PSMD4: variants seen among roughly 807,000 people sequenced by gnomAD.
The protein encoded by PSMD4 is proteasome 26S subunit ubiquitin receptor, non-ATPase 4.
In PSMD4, 5 loss-of-function variants were observed where a neutral mutation model predicts 39.7. That is an observed-to-expected ratio of 0.13 (90% CI 0.07 to 0.26). The LOEUF (loss-of-function observed/expected upper bound fraction) is 0.26, where lower values mean the gene tolerates loss of function less well. PSMD4 is among the 10% of genes least tolerant of loss of function. The pLI, the probability that PSMD4 is intolerant of heterozygous loss-of-function variation, is 1.00. For synonymous variants in PSMD4, 143 were observed against 174.6 expected, an observed-to-expected ratio of 0.82 and a Z score of 1.43; for missense variants, 272 against 486.1, an observed-to-expected ratio of 0.56 and a Z score of 4.14.
intron 1 of PSMD4, among the ~76,000 whole-genome samples, chr1:151,256,239 G>C (rs12131761): frequency 6.6e-6 from 1 of 150,972 alleles, no homozygotes; most frequent in Non-Finnish European, 1.5e-5. Context: ...AGCTACTCCA[G>C]AGGCTGAGGT....
At chr1:151,263,320 C>T (rs1339069691) in intron 2 of PSMD4, among the ~76,000 whole-genome samples, 8 of 151,878 alleles carry the variant, frequency 5.3e-5, no homozygotes, top group East Asian at 3.9e-4. Flanking sequence ...AAAAATTAGC[C>T]GGGCGTGGTG....
intron 1 of PSMD4, among the ~76,000 whole-genome samples, chr1:151,261,522 G>T (rs756583433): frequency 5.3e-5 from 8 of 152,096 alleles, no homozygotes; most frequent in Non-Finnish European, 1.2e-4. Context: ...TTGGATTACT[G>T]CCATTTAATG....
intron 1 of PSMD4, among the ~76,000 whole-genome samples, chr1:151,255,507 T>C (rs1418894788): frequency 2.0e-5 from 3 of 152,220 alleles, no homozygotes; most frequent in African/African-American, 7.2e-5. Context: ...GAGTACCTAT[T>C]ACGAGTCACA....
intron 1 of PSMD4, among the ~76,000 whole-genome samples, chr1:151,255,019 G>T (rs1344497736): frequency 6.6e-6 from 1 of 152,220 alleles, no homozygotes; most frequent in Non-Finnish European, 1.5e-5. Context: ...CCAGGGGGAC[G>T]GTCATTGACT....
At chr1:151,261,330 CA>C (rs1693315057) in intron 1 of PSMD4, among the ~76,000 whole-genome samples, 1 of 151,796 alleles carries the variant, frequency 6.6e-6, no homozygotes, top group Non-Finnish European at 1.5e-5. Context: ...CATGTGCCAC[CA>C]CGCCCAGCTA....
rs1693411203 is a variant in PSMD4, at chr1:151,265,502, C to T, written c.547C>T (p.Leu183Phe). Residue 183 changes from leucine to phenylalanine, a missense_variant, in exon 6 of 10, where the codon CTC becomes TTC. Leu to Phe is a conservative substitution (Grantham distance 22, BLOSUM62 0). Coordinates refer to ENST00000368884, the MANE Select transcript of PSMD4 (RefSeq NM_002810.4). ...TCCTGGGCCCAGTTTGGCTGATGCTCTCATCAGTTCTCCGATTTTGGCTGG... is the reference window on the plus strand; with the variant it reads ...TCCTGGGCCCAGTTTGGCTGATGCTTTCATCAGTTCTCCGATTTTGGCTGG... ...VPPGPSLADALISSPILAGEG... is the reference protein window; with the variant it reads ...VPPGPSLADAFISSPILAGEG... 1 of 1,614,198 alleles carries T rather than the reference C, an allele frequency of 6.2e-7. No individual in the cohort carries two copies. The highest frequency in any genetic ancestry group is 8.5e-7 in the Non-Finnish European group (1 of 1,180,028).
Position 151,266,556 on chromosome 1 carries a change from G to C in PSMD4, c.932G>C (p.Ser311Thr). Reference protein sequence around the residue: ...GQAESADIDASSAMDTSEPAK... With the variant: ...GQAESADIDATSAMDTSEPAK... ...GCGGAATCAGCAGACATTGATGCCA[G>C]CTCAGCTATGGACACATCTGAGCCA... The change falls in exon 9 of 10, where the codon AGC (serine) becomes ACC (threonine). Residue 311 changes from serine to threonine, a missense_variant. Around this residue, in one of 3 missense-constraint regions of PSMD4, gnomAD observed 113 missense variants for 184.6 expected, o/e 0.61. Transcript: ENST00000368884. The C allele has an allele frequency of 1.9e-6, 3 of 1,614,198 alleles. No individual in the cohort carries two copies. The highest frequency in any genetic ancestry group is 2.7e-5 in the African/African-American group (2 of 75,050).
At chr1:151,265,314 C>G in intron 5 of PSMD4, 80 bp downstream of exon 5, 5 of 1,592,728 alleles carry the variant, frequency 3.1e-6, no homozygotes, top group Non-Finnish European at 4.3e-6. Context: ...AGTGCGGGTA[C>G]TGTGGCAGAG....
At chr1:151,255,109 T>C (rs1693132811) in intron 1 of PSMD4, among the ~76,000 whole-genome samples, 1 of 152,228 alleles carries the variant, frequency 6.6e-6, no homozygotes, top group South Asian at 2.1e-4. Context: ...ACAGTTCTGC[T>C]TTTCGGACTC....
intron 1 of PSMD4, among the ~76,000 whole-genome samples, chr1:151,256,853 G>A (rs934607807): frequency 1.3e-5 from 2 of 151,400 alleles, no homozygotes; most frequent in Non-Finnish European, 2.9e-5. Context: ...GTGTTCAAGC[G>A]ATTCTCCTGC....
chr1:151,257,715 C>CTT (rs71090149), intron 1 of PSMD4, among the ~76,000 whole-genome samples: 43,087 of 88,930 alleles, frequency 0.48, 9,969 homozygotes, highest in Non-Finnish European at 0.56. Flanking sequence ...ACCTGGCTTT[C>CTT]TTTTTTTTTT....
Position 151,267,456 on chromosome 1 carries a change from C to A in PSMD4, c.*113C>A. The A allele has an allele frequency of 8.1e-7, 1 of 1,230,394 alleles. No individual in the cohort carries two copies. The highest frequency in any genetic ancestry group is 2.0e-4 in the Middle Eastern group (1 of 5,078). 76.2% of individuals were successfully genotyped at this position (1,230,394 alleles called of 1,614,324 possible). On this transcript the variant is annotated 3_prime_UTR_variant, in exon 10 of 10. Coordinates refer to ENST00000368884, the MANE Select transcript of PSMD4 (RefSeq NM_002810.4). ...TTACAGCCTAAATAAAGCTTGGCAA[C>A]TTTTTTTCCTTTTTTGCTTCAAATA... is the stretch of plus-strand genomic sequence containing the variant.
chr1:151,265,308 C>A, intron 5 of PSMD4, 74 bp downstream of exon 5: 1 of 1,585,736 alleles, frequency 6.3e-7, no homozygotes, highest in Admixed American at 1.7e-5. Context: ...CTGAGGAGTG[C>A]GGGTACTGTG....
In PSMD4 at chr1:151,264,928, A is replaced by T; in HGVS notation, c.369+10A>T. 1.2e-6 allele frequency: 2 copies of T among 1,603,360 alleles called. No homozygotes were observed. The highest frequency in any genetic ancestry group is 1.7e-6 in the Non-Finnish European group (2 of 1,171,456). On this transcript the variant is annotated intron_variant, in intron 4 of 9. Transcript: ENST00000368884. Reference sequence around the variant, plus strand: ...GGACAATGAGAAGGATGTGAGTCCAAGTGGCAGCTGGGGAATGTGGGGAGC... The same window carrying T: ...GGACAATGAGAAGGATGTGAGTCCATGTGGCAGCTGGGGAATGTGGGGAGC...
At chr1:151,264,980 C>A in intron 4 of PSMD4, 62 bp downstream of exon 4, 1 of 1,456,110 alleles carries the variant, frequency 6.9e-7, no homozygotes, top group Non-Finnish European at 9.5e-7. Context: ...GGTCTTCCAG[C>A]CCTCAGGAGA....
intron 1 of PSMD4, among the ~76,000 whole-genome samples, chr1:151,260,785 C>T (rs1693297426): frequency 6.6e-6 from 1 of 152,050 alleles, no homozygotes; most frequent in Admixed American, 6.6e-5. Flanking sequence ...GATCTGCCCA[C>T]CTCGGCCCCC....
At chr1:151,264,619 A>C (rs1437693413) in intron 3 of PSMD4, among the ~76,000 whole-genome samples, 1 of 152,160 alleles carries the variant, frequency 6.6e-6, no homozygotes, top group Non-Finnish European at 1.5e-5. Flanking sequence ...TCAAAAAAAA[A>C]AAAAGAGAGA....
At position 151,267,300 on chromosome 1, in the gene PSMD4, C is replaced by T. The variant is rs1162489352; in HGVS notation, c.1091C>T (p.Thr364Ile). 2.5e-6 allele frequency: 4 copies of T among 1,613,786 alleles called. No individual in the cohort carries two copies. Among genetic ancestry groups the T allele is most frequent in the Admixed American group, 3.3e-5 (2 of 60,002 alleles). ...NAMGSLASQA[T>I]KDGKKDKKEE... ...ATGGGCTCCCTGGCCTCCCAGGCCA[C>T]CAAGGACGGCAAGAAGGACAAGAAG... Residue 364 changes from threonine to isoleucine, a missense_variant, in exon 10 of 10, where the codon ACC becomes ATC. Transcript: ENST00000368884.
In PSMD4 at chr1:151,266,448, G is replaced by C; in HGVS notation, c.895+9G>C. On this transcript the variant is annotated intron_variant, in intron 8 of 9. Coordinates refer to ENST00000368884, the MANE Select transcript of PSMD4 (RefSeq NM_002810.4). ...GTCCCTGCAGGGAGCAGGTGAGCCA[G>C]AGCCTGGGTGGTGCCTAGGCAGAGG... 6.2e-7 allele frequency: 1 copy of C among 1,614,236 alleles called. No individual in the cohort carries two copies. Among genetic ancestry groups the C allele is most frequent in the Admixed American group, 1.7e-5 (1 of 60,022 alleles).
Sources: gnomAD v4.1 joint callset for allele counts (sites outside exome capture counted in the v4.1 genomes callset) on GRCh38, gnomAD v4.1.1 for gene constraint, gnomAD v4.1.1 regional missense constraint, MANE v1.5 for transcripts, NCBI Gene and HGNC (gene_info 2026-07-23, HGNC 2026-07-21) for gene names.